The following NEXMIF variants were observed in gnomAD, a reference collection of about 807,000 sequenced individuals.
NEXMIF encodes XLMR protein related to neurite extension.
Under a neutral mutation model 62.1 loss-of-function variants are expected in NEXMIF, and 8 were observed. That is an observed-to-expected ratio of 0.13 (90% CI 0.08 to 0.23). NEXMIF has a LOEUF of 0.23. NEXMIF is among the 10% of genes least tolerant of loss of function. The probability of loss-of-function intolerance (pLI) is 1.00; values close to 1 mark genes in which losing one functional copy is unlikely to be tolerated. For synonymous variants in NEXMIF, 404 were observed against 416.6 expected (o/e 0.97, Z 0.37); for missense variants, 976 against 1,113.3 (o/e 0.88, Z 1.75).
chrX:74,918,123 C>A (rs1167619143), intron 1 of NEXMIF, among the ~76,000 whole-genome samples: 4 of 111,737 alleles, frequency 3.6e-5, no homozygotes, highest in African/African-American at 1.3e-4. Flanking sequence ...GACAGCCATA[C>A]AACAAGAATT....
chrX:74,886,369 G>C (rs952324609), intron 1 of NEXMIF, among the ~76,000 whole-genome samples: 1 of 111,700 alleles, frequency 9.0e-6, no homozygotes, highest in Admixed American at 9.5e-5. Context: ...GTCCCTGTTT[G>C]CAGATGACAT....
Position 74,876,620 on chromosome X carries a change from G to A in NEXMIF, c.-48+48263C>T, listed in dbSNP as rs757965267. Among the ~76,000 whole-genome samples the A allele has an allele frequency of 4.0e-5, 4 of 101,047 alleles. No individual in the cohort carries two copies. The East Asian group carries it at 1.2e-3, about 31-fold the overall frequency. The allele number at this position is 101,047 out of a possible 115,157, so 87.7% of individuals were successfully genotyped here. A position where few individuals can be genotyped will look rare whatever the true frequency, so the allele number is the denominator to read the frequency against. ...AAAGTCTCCCATTATTAATGTGTGG[G>A]AGTCTAAGTCTCTTTGTAGGTCACT... On this transcript the variant is annotated intron_variant, in intron 1 of 3. Coordinates refer to ENST00000055682, the MANE Select transcript of NEXMIF (RefSeq NM_001008537.3).
intron 1 of NEXMIF, among the ~76,000 whole-genome samples, chrX:74,758,902 C>T (rs776954211): frequency 2.7e-5 from 3 of 112,306 alleles, no homozygotes; most frequent in Middle Eastern, 4.6e-3. Context: ...GATTTATATT[C>T]CTTTGCATAT....
intron 1 of NEXMIF, among the ~76,000 whole-genome samples, chrX:74,917,704 G>T (rs1318059994): frequency 1.8e-5 from 2 of 111,723 alleles, no homozygotes; most frequent in Non-Finnish European, 3.8e-5. Flanking sequence ...GCTAGAAAGA[G>T]TTCCCCACAT....
chrX:74,778,890 G>T (rs954567814), intron 1 of NEXMIF, among the ~76,000 whole-genome samples: 8 of 111,743 alleles, frequency 7.2e-5, no homozygotes, highest in Non-Finnish European at 1.5e-4. Context: ...GCCTCCCAAA[G>T]TGCTGGGATT....
chrX:74,866,621 T>C (rs749643827), intron 1 of NEXMIF, among the ~76,000 whole-genome samples: 20 of 112,488 alleles, frequency 1.8e-4, no homozygotes, highest in Non-Finnish European at 3.4e-4. Flanking sequence ...GAATTGTAGC[T>C]CCCATAATCA....
chrX:74,790,742 C>G (rs867521277), intron 1 of NEXMIF, among the ~76,000 whole-genome samples: 284 of 113,040 alleles, frequency 2.5e-3, no homozygotes, highest in African/African-American at 7.6e-3. Context: ...GAAGCAATTG[C>G]GAATGGGAGT....
intron 1 of NEXMIF, among the ~76,000 whole-genome samples, chrX:74,808,548 T>C (rs2080351663): frequency 8.9e-6 from 1 of 112,360 alleles, no homozygotes; most frequent in Admixed American, 9.4e-5. Flanking sequence ...AATGTCTTTG[T>C]CTGGCTTTGG....
intron 1 of NEXMIF, among the ~76,000 whole-genome samples, chrX:74,883,039 C>T (rs1192326223): frequency 8.9e-6 from 1 of 111,940 alleles, no homozygotes. Context: ...CAAACAGGGT[C>T]TGGAGTAGAC....
chrX:74,821,558 G>A (rs965169009), intron 1 of NEXMIF, among the ~76,000 whole-genome samples: 2 of 111,854 alleles, frequency 1.8e-5, no homozygotes, highest in African/African-American at 6.5e-5. Context: ...TCCTAAGATG[G>A]GGGACAGAGA....
Position 74,823,577 on chromosome X carries a change from A to G in NEXMIF, c.-47-77880T>C, listed in dbSNP as rs143483534. On this transcript the variant is annotated intron_variant, in intron 1 of 3. Transcript: ENST00000055682. ...GATTGTAGTACCGTTGTTATGAAAG[A>G]GAATTATCTTGTTTTTAGGAAATAT... Among the ~76,000 whole-genome samples, 380 of 111,613 alleles carry G rather than the reference A, an allele frequency of 3.4e-3. 1 individual carries two copies. The highest frequency in any genetic ancestry group is 5.9e-3 in the Admixed American group (62 of 10,425).
chrX:74,899,753 C>T (rs2080743422), intron 1 of NEXMIF, among the ~76,000 whole-genome samples: 1 of 111,394 alleles, frequency 9.0e-6, no homozygotes, highest in African/African-American at 3.3e-5. Flanking sequence ...CATGGAACCA[C>T]AAAAGACCCT....
chrX:74,740,210 A>T lies in NEXMIF; in HGVS notation c.4347T>A (p.Arg1449=), dbSNP rs2080097359. ...NNGPTHKKLY[R]HKSSSKALRD... ...TCAGGGCCTTGGAGCTGGATTTGTG[A>T]CGATACAACTTTTTGTGTGTCGGTC... The change falls in exon 3 of 4, where the codon CGT becomes CGA. Residue 1449 remains arginine, a synonymous_variant. Transcript: ENST00000055682. The T allele has an allele frequency of 8.3e-7, 1 of 1,209,016 alleles. No homozygotes were observed. The highest frequency in any genetic ancestry group is 1.8e-5 in the African/African-American group (1 of 56,851).
At chrX:74,868,683 A>G (rs906331137) in intron 1 of NEXMIF, among the ~76,000 whole-genome samples, 4 of 110,368 alleles carry the variant, frequency 3.6e-5, no homozygotes, top group Non-Finnish European at 5.7e-5. Flanking sequence ...GGGGCTTAAT[A>G]CCTAGGTGAT....
chrX:74,905,740 T>A (rs770793161), intron 1 of NEXMIF, among the ~76,000 whole-genome samples: 1 of 109,972 alleles, frequency 9.1e-6, no homozygotes, highest in Non-Finnish European at 1.9e-5. Context: ...AACTCAGGAG[T>A]TGGAGGCTGC....
chrX:74,915,917 A>C (rs4892530), intron 1 of NEXMIF, among the ~76,000 whole-genome samples: 16,278 of 111,118 alleles, frequency 0.15, 1,786 homozygotes, highest in East Asian at 0.91. Flanking sequence ...TAGTTCAGAC[A>C]ATCTCTGACC....
chrX:74,860,129 A>G (rs1320173402), intron 1 of NEXMIF, among the ~76,000 whole-genome samples: 1 of 111,509 alleles, frequency 9.0e-6, no homozygotes, highest in East Asian at 2.8e-4. Context: ...CCAATGATCT[A>G]TGACCTACAA....
In NEXMIF at chrX:74,793,976, C is replaced by T. The variant is rs944461758; in HGVS notation, c.-47-48279G>A. The stretch of plus-strand genomic sequence containing the variant: ...CGTCTGAAGCCTTCTTCTCTCAGCT[C>T]GTCAAAGTCATTCTCCACCCAGCTT... On this transcript the variant is annotated intron_variant, in intron 1 of 3. Transcript: ENST00000055682. Among the ~76,000 whole-genome samples the T allele has an allele frequency of 5.9e-5, 5 of 84,759 alleles. No individual in the cohort carries two copies. In the Admixed American group the frequency reaches 7.2e-4, roughly 12 times the overall value. The allele number at this position is 84,759 out of a possible 115,157, so 73.6% of individuals were successfully genotyped here.
chrX:74,772,684 T>C (rs771576908), intron 1 of NEXMIF, among the ~76,000 whole-genome samples: 1 of 112,533 alleles, frequency 8.9e-6, no homozygotes, highest in African/African-American at 3.2e-5. Context: ...CAGACCTTGA[T>C]ATGATATCTT....
Sources: gnomAD v4.1 joint callset for allele counts (sites outside exome capture counted in the v4.1 genomes callset) on GRCh38, gnomAD v4.1.1 for gene constraint, MANE v1.5 for transcripts, NCBI Gene and HGNC (gene_info 2026-07-23, HGNC 2026-07-21) for gene names.